The following ZNF277 variants were observed in gnomAD, a reference collection of about 807,000 sequenced individuals.
The protein encoded by ZNF277 is zinc finger protein 277, also known as nuclear receptor-interacting factor 4.
ZNF277 carries 55 observed loss-of-function variants against 60.7 expected under a neutral mutation model. The observed-to-expected ratio is 0.91, with a 90% confidence interval of 0.73 to 1.13. ZNF277 has a LOEUF of 1.13. Ranked by LOEUF, ZNF277 falls within the 50% of genes most tolerant of loss-of-function variation. ZNF277 has a pLI of 0.00. For missense variants in ZNF277, 510 were observed against 523.0 expected (o/e 0.98, Z 0.24); for synonymous variants, 178 against 179.3 (o/e 0.99, Z 0.06).
At chr7:112,305,678 A>G (rs747347530) in intron 4 of ZNF277, among the ~76,000 whole-genome samples, 20 of 152,064 alleles carry the variant, frequency 1.3e-4, no homozygotes, top group Non-Finnish European at 2.8e-4. Context: ...AAAACAAACC[A>G]AAAGACCTTC....
Position 112,339,875 on chromosome 7 carries a change from G to C in ZNF277, c.999G>C (p.Lys333Asn). Residue 333 changes from lysine to asparagine, a missense_variant, in exon 10 of 12, where the codon AAG becomes AAC. Physicochemically the swap from Lys to Asn is moderately conservative, Grantham distance 94. Coordinates refer to ENST00000361822, the MANE Select transcript of ZNF277 (RefSeq NM_021994.3). ...ACGAATTTGATCTTCTCAAAATAAAGTCAGAACTTGGTAAGTTTGATTCAG... is the reference window on the plus strand; with the variant it reads ...ACGAATTTGATCTTCTCAAAATAAACTCAGAACTTGGTAAGTTTGATTCAG... ...DAHEFDLLKI[K>N]SELGLNFYQQ... is the part of the protein sequence containing the mutation. 3 of 1,610,724 alleles carry C rather than the reference G, an allele frequency of 1.9e-6. No homozygotes were observed. The highest frequency in any genetic ancestry group is 1.3e-5 in the African/African-American group (1 of 75,026).
At chr7:112,321,083 G>A (rs1460178391) in intron 5 of ZNF277, among the ~76,000 whole-genome samples, 4 of 151,108 alleles carry the variant, frequency 2.6e-5, no homozygotes, top group African/African-American at 7.3e-5. Flanking sequence ...AACCACGCCC[G>A]GCAAATTTTT....
chr7:112,336,462 T>C (rs1464403412), intron 8 of ZNF277, among the ~76,000 whole-genome samples: 1 of 152,196 alleles, frequency 6.6e-6, no homozygotes, highest in East Asian at 1.9e-4. Context: ...CAGTTAGTGC[T>C]CAGACCTTGA....
chr7:112,265,540 C>G (rs576861363), intron 1 of ZNF277, among the ~76,000 whole-genome samples: 19 of 152,112 alleles, frequency 1.2e-4, no homozygotes, highest in South Asian at 1.0e-3. Flanking sequence ...CCAAAATTAC[C>G]AAAATTTGAC....
At chr7:112,214,113 G>A (rs1299587046) in intron 1 of ZNF277, among the ~76,000 whole-genome samples, 3 of 152,192 alleles carry the variant, frequency 2.0e-5, no homozygotes, top group Non-Finnish European at 4.4e-5. Flanking sequence ...TACACTTATT[G>A]TGTTGACCTT....
At chr7:112,269,953 C>A (rs1468237429) in intron 1 of ZNF277, among the ~76,000 whole-genome samples, 2 of 152,042 alleles carry the variant, frequency 1.3e-5, no homozygotes, top group Non-Finnish European at 2.9e-5. Flanking sequence ...TCCACAAAAT[C>A]ACACAATAAG....
At position 112,343,436 on chromosome 7, in the gene ZNF277, AAACATT is replaced by A. The variant is rs940701743; in HGVS notation, c.*717_*722del. ...CCACAATACCATTATGACACCTAAA[AAACATT>A]AACATTAACTTAATATCATCTGTTT... On this transcript the variant is annotated 3_prime_UTR_variant, in exon 12 of 12. Transcript: ENST00000361822. Among the ~76,000 whole-genome samples the A allele has an allele frequency of 2.0e-5, 3 of 152,170 alleles. No individual in the cohort carries two copies. The highest frequency in any genetic ancestry group is 6.5e-5 in the Admixed American group (1 of 15,288).
chr7:112,308,877 T>G (rs1353042869), intron 4 of ZNF277, among the ~76,000 whole-genome samples: 2 of 152,144 alleles, frequency 1.3e-5, no homozygotes, highest in East Asian at 1.9e-4. Context: ...TGCATTTTTC[T>G]GCTAAATTTG....
chr7:112,341,170 G>T (rs572069949), intron 11 of ZNF277, 124 bp downstream of exon 11: 20 of 824,888 alleles, frequency 2.4e-5, no homozygotes, highest in Non-Finnish European at 3.4e-5. Context: ...GTATACATCA[G>T]TACAGTGTGG....
At chr7:112,240,119 A>G (rs1036180925) in intron 1 of ZNF277, among the ~76,000 whole-genome samples, 3 of 152,184 alleles carry the variant, frequency 2.0e-5, no homozygotes, top group African/African-American at 7.2e-5. Flanking sequence ...TAAAAATTGA[A>G]ATGCCAGAAA....
chr7:112,259,563 C>G (rs142872962), intron 1 of ZNF277, among the ~76,000 whole-genome samples: 1 of 152,112 alleles, frequency 6.6e-6, no homozygotes, highest in East Asian at 1.9e-4. Flanking sequence ...TTCAGAGACA[C>G]GTCCAGTGAC....
chr7:112,316,196 T>A (rs1254156187), intron 4 of ZNF277, among the ~76,000 whole-genome samples: 4 of 152,178 alleles, frequency 2.6e-5, no homozygotes, highest in South Asian at 4.1e-4. Flanking sequence ...AGAAAGAAAA[T>A]CTTACTAGAG....
intron 1 of ZNF277, among the ~76,000 whole-genome samples, chr7:112,249,803 C>A (rs949215894): frequency 4.6e-5 from 7 of 152,160 alleles, no homozygotes; most frequent in Non-Finnish European, 5.9e-5. Context: ...AGTCAATACC[C>A]TTGTGATTTC....
chr7:112,267,318 A>G (rs1584360549), intron 1 of ZNF277, among the ~76,000 whole-genome samples: 2 of 152,328 alleles, frequency 1.3e-5, no homozygotes, highest in East Asian at 3.9e-4. Context: ...ATATATGATC[A>G]ATAATCATTG....
intron 1 of ZNF277, among the ~76,000 whole-genome samples, chr7:112,260,575 G>A (rs778493645): frequency 1.3e-4 from 20 of 152,000 alleles, no homozygotes; most frequent in Middle Eastern, 3.4e-3. Flanking sequence ...TTTTCCTAGC[G>A]TTATGTAACA....
At chr7:112,320,972 AGT>A (rs1792968095) in intron 5 of ZNF277, among the ~76,000 whole-genome samples, 2 of 125,594 alleles carry the variant, frequency 1.6e-5, no homozygotes, top group Non-Finnish European at 3.1e-5. Context: ...CCCAGCCTGG[AGT>A]GCAGTGGCAG....
chr7:112,239,886 A>G (rs1790901356), intron 1 of ZNF277, among the ~76,000 whole-genome samples: 1 of 152,226 alleles, frequency 6.6e-6, no homozygotes, highest in South Asian at 2.1e-4. Flanking sequence ...CACTTTTAAG[A>G]CATAGACAGA....
intron 1 of ZNF277, among the ~76,000 whole-genome samples, chr7:112,253,836 A>C (rs1156235614): frequency 6.6e-6 from 1 of 152,238 alleles, no homozygotes; most frequent in African/African-American, 2.4e-5. Context: ...TAATTTACAG[A>C]AATACCAGAA....
chr7:112,283,007 A>G (rs1042006217), intron 1 of ZNF277, among the ~76,000 whole-genome samples: 3 of 152,228 alleles, frequency 2.0e-5, no homozygotes, highest in Non-Finnish European at 4.4e-5. Flanking sequence ...TATATTAGTC[A>G]TAGTGGGGTA....
Sources: allele counts gnomAD v4.1 joint callset (sites outside exome capture counted in the v4.1 genomes callset), GRCh38; gene constraint gnomAD v4.1.1; transcripts MANE v1.5; gene names NCBI Gene and HGNC (gene_info 2026-07-23, HGNC 2026-07-21).